The following STX3 variants were observed in gnomAD, a reference collection of about 807,000 sequenced individuals.
The protein encoded by STX3 is syntaxin-3.
STX3 carries 19 observed loss-of-function variants against 40.2 expected under a neutral mutation model. That is an observed-to-expected ratio of 0.47 (90% CI 0.33 to 0.69). The LOEUF (loss-of-function observed/expected upper bound fraction) is 0.69. STX3 is among the 30% of genes least tolerant of loss of function. STX3 has a pLI of 0.02. For missense variants in STX3, 364 were observed against 366.7 expected, an observed-to-expected ratio of 0.99 and a Z score of 0.06; for synonymous variants, 122 against 132.2, an observed-to-expected ratio of 0.92 and a Z score of 0.53.
At chr11:59,754,458 C>T (rs1220327204), upstream of STX3, 1 of 152,570 alleles carries the variant, frequency 6.6e-6, no homozygotes, top group Non-Finnish European at 1.5e-5. Context: ...GATCTCCACT[C>T]TGATGAATGT....
intron 5 of STX3, among the ~76,000 whole-genome samples, chr11:59,791,775 T>C (rs1865181051): frequency 6.6e-6 from 1 of 152,016 alleles, no homozygotes; most frequent in Non-Finnish European, 1.5e-5. Context: ...AATCTGACAG[T>C]TTTAGAATGC....
At chr11:59,787,340 A>G (rs1231302426) in intron 3 of STX3, among the ~76,000 whole-genome samples, 2 of 151,862 alleles carry the variant, frequency 1.3e-5, no homozygotes, top group Non-Finnish European at 2.9e-5. Flanking sequence ...TCATGGTCCC[A>G]CTCCAACCAT....
intron 2 of STX3, chr11:59,781,714 T>G (rs1864394339): frequency 5.6e-6 from 9 of 1,593,760 alleles, no homozygotes; most frequent in Non-Finnish European, 7.7e-6. Context: ...TGCTGAACTG[T>G]GGCCATGGTG....
Position 59,766,208 on chromosome 11 carries a change from C to T in STX3, c.31-7003C>T, listed in dbSNP as rs143287522. Reference sequence around the variant, plus strand: ...CTGTGCTCTTCATCTGGGATGACTTCCTTTTTCTTTGTCTCATTCTGCCTT... The same window carrying T: ...CTGTGCTCTTCATCTGGGATGACTTTCTTTTTCTTTGTCTCATTCTGCCTT... On this transcript the variant is annotated intron_variant, in intron 1 of 10. Transcript: ENST00000337979. Among the ~76,000 whole-genome samples the T allele has an allele frequency of 3.2e-3, 488 of 152,314 alleles. 5 individuals carry two copies. The highest frequency in any genetic ancestry group is 0.01 in the African/African-American group (435 of 41,558).
At chr11:59,762,550 A>G (rs149363029) in intron 1 of STX3, among the ~76,000 whole-genome samples, 1,531 of 152,312 alleles carry the variant, frequency 0.01, 26 homozygotes, top group African/African-American at 0.034. Flanking sequence ...TAGAATGACC[A>G]TGAGGGAGAG....
At chr11:59,772,307 T>C (rs1863698413) in intron 1 of STX3, among the ~76,000 whole-genome samples, 1 of 152,186 alleles carries the variant, frequency 6.6e-6, no homozygotes, top group Non-Finnish European at 1.5e-5. Context: ...TGAACAGGAA[T>C]GTAGAAACAG....
rs1326767007 is a variant in STX3 at position 59,802,982 on chromosome 11, A to T, written c.*2158A>T. The T allele has an allele frequency of 1.0e-6, 1 of 985,290 alleles. No individual in the cohort carries two copies. Among genetic ancestry groups the T allele is most frequent in the Non-Finnish European group, 1.2e-6 (1 of 829,940 alleles). 61.0% of individuals were successfully genotyped at this position (985,290 alleles called of 1,614,324 possible). On this transcript the variant is annotated 3_prime_UTR_variant, in exon 11 of 11. Transcript: ENST00000337979. The stretch of plus-strand genomic sequence containing the variant: ...AATGGGGGAGATCTGTCACGATGTT[A>T]TCTAGAAGGTGGAATGACCATACCA...
chr11:59,769,887 G>T (rs1863493824), intron 1 of STX3, among the ~76,000 whole-genome samples: 1 of 151,382 alleles, frequency 6.6e-6, no homozygotes, highest in Admixed American at 6.6e-5. Flanking sequence ...AGGTGTGTGG[G>T]TGTATGTTTG....
intron 4 of STX3, among the ~76,000 whole-genome samples, 179 bp from the exon 5 acceptor site, chr11:59,790,340 C>T (rs544579077): frequency 4.6e-5 from 7 of 152,302 alleles, no homozygotes; most frequent in South Asian, 2.1e-4. Context: ...ACCTGGTCAT[C>T]GTAAAGGCTG....
At chr11:59,798,535 T>G (rs769776094) in intron 10 of STX3, among the ~76,000 whole-genome samples, 32 of 150,372 alleles carry the variant, frequency 2.1e-4, no homozygotes, top group Non-Finnish European at 3.5e-4. Flanking sequence ...TGTTGTTGTT[T>G]TTTGTTTGTT....
chr11:59,755,653 CG>C lies in STX3; in HGVS notation c.30+22del. The C allele has an allele frequency of 6.3e-7, 1 of 1,590,982 alleles. No homozygotes were observed. Among genetic ancestry groups the C allele is most frequent in the Non-Finnish European group, 8.5e-7 (1 of 1,174,686 alleles). ...TGAAGGCCGTGAGTTTCGCCGCAGG[CG>C]GGGTGCTGCCAGGAGGGGTGCTGCA... On this transcript the variant is annotated intron_variant, in intron 1 of 10. Transcript: ENST00000337979.
At chr11:59,764,530 G>A (rs1222391728) in intron 1 of STX3, among the ~76,000 whole-genome samples, 7 of 152,098 alleles carry the variant, frequency 4.6e-5, no homozygotes, top group African/African-American at 7.2e-5. Flanking sequence ...TGCCTGAGTT[G>A]GATTATATAC....
intron 2 of STX3, among the ~76,000 whole-genome samples, chr11:59,781,143 T>A (rs1323608235): frequency 6.7e-6 from 1 of 148,576 alleles, no homozygotes; most frequent in Non-Finnish European, 1.5e-5. Context: ...AAAGGGATGA[T>A]CCTAATTAAT....
intron 8 of STX3, among the ~76,000 whole-genome samples, chr11:59,794,584 G>A (rs1440439151): frequency 2.0e-5 from 3 of 152,134 alleles, no homozygotes; most frequent in East Asian, 1.9e-4. Flanking sequence ...CTGCCTTGCC[G>A]AGGAACTGGC....
chr11:59,768,977 T>C (rs1256498403), intron 1 of STX3, among the ~76,000 whole-genome samples: 1 of 152,208 alleles, frequency 6.6e-6, no homozygotes, highest in Non-Finnish European at 1.5e-5. Context: ...TCTGGGCTTT[T>C]AGTGTATCCA....
At chr11:59,773,568 G>T (rs1863777805) in intron 2 of STX3, among the ~76,000 whole-genome samples, 1 of 152,172 alleles carries the variant, frequency 6.6e-6, no homozygotes, top group Non-Finnish European at 1.5e-5. Flanking sequence ...ACATTTTAAT[G>T]ATATCCTTTC....
At chr11:59,773,977 C>CAAAA (rs5792160) in intron 2 of STX3, among the ~76,000 whole-genome samples, 47 of 81,198 alleles carry the variant, frequency 5.8e-4, no homozygotes, top group Non-Finnish European at 8.7e-4. Flanking sequence ...CTCACACACA[C>CAAAA]AAAAAAAAAA....
intron 1 of STX3, 91 bp downstream of exon 1, chr11:59,755,726 G>A (rs541914032): frequency 1.4e-6 from 2 of 1,423,356 alleles, no homozygotes; most frequent in Non-Finnish European, 9.2e-7. Flanking sequence ...CTGGAGGGGG[G>A]CCCGAGCCGG....
rs1865948063 is a variant in STX3 at position 59,802,943 on chromosome 11, T to TTTA, written c.*2119_*2120insTTA. ...ATTTGGTTCAGTCCTTGGGAGTATC[T>TTTA]GGCTTTAGGAGGAAATGGGGGAGAT... On this transcript the variant is annotated 3_prime_UTR_variant, in exon 11 of 11. Coordinates refer to ENST00000337979, the MANE Select transcript of STX3 (RefSeq NM_004177.5). The TTTA allele has an allele frequency of 4.1e-6, 4 of 985,340 alleles. No homozygotes were observed. Among genetic ancestry groups the TTTA allele is most frequent in the Non-Finnish European group, 1.2e-6 (1 of 829,948 alleles). 61.0% of individuals were successfully genotyped at this position (985,340 alleles called of 1,614,324 possible). A position where few individuals can be genotyped will look rare whatever the true frequency, so the allele number is the denominator to read the frequency against.
Sources: gnomAD v4.1 joint callset for allele counts (sites outside exome capture counted in the v4.1 genomes callset) on GRCh38, gnomAD v4.1.1 for gene constraint, MANE v1.5 for transcripts, NCBI Gene and HGNC (gene_info 2026-07-23, HGNC 2026-07-21) for gene names.